PGAP4: variants seen among roughly 807,000 people sequenced by gnomAD.
PGAP4 encodes GPI-N-acetylgalactosamine transferase PGAP4.
In PGAP4, 12 loss-of-function variants were observed where a neutral mutation model predicts 28.2. That is an observed-to-expected ratio of 0.42 (90% CI 0.27 to 0.69). PGAP4 has a LOEUF of 0.69. Among genes scored for constraint, PGAP4 ranks in the 30% least tolerant of loss-of-function variants. The probability of loss-of-function intolerance (pLI) is 0.22; values close to 1 mark genes in which losing one functional copy is unlikely to be tolerated. For synonymous variants in PGAP4, 205 were observed against 211.8 expected, an observed-to-expected ratio of 0.97 and a Z score of 0.28; for missense variants, 425 against 513.5, an observed-to-expected ratio of 0.83 and a Z score of 1.67.
intron 2 of PGAP4, among the ~76,000 whole-genome samples, chr9:101,512,701 T>C (rs553634688): frequency 7.9e-5 from 12 of 152,278 alleles, no homozygotes; most frequent in African/African-American, 2.9e-4. Flanking sequence ...ACAACAACAA[T>C]AATACACATT....
intron 2 of PGAP4, among the ~76,000 whole-genome samples, chr9:101,511,549 G>C (rs1338525136): frequency 6.6e-6 from 1 of 152,166 alleles, no homozygotes; most frequent in Non-Finnish European, 1.5e-5. Flanking sequence ...AAAATGAAGA[G>C]GGTTATATGG....
chr9:101,503,583 A>AT (rs938740944), intron 2 of PGAP4, among the ~76,000 whole-genome samples: 13 of 151,966 alleles, frequency 8.6e-5, no homozygotes, highest in Admixed American at 2.6e-4. Flanking sequence ...ACAGGGAGCC[A>AT]TTTTTTTCAG....
chr9:101,495,022 A>G (rs994418924), intron 2 of PGAP4, among the ~76,000 whole-genome samples: 4 of 146,700 alleles, frequency 2.7e-5, no homozygotes, highest in African/African-American at 1.0e-4. Flanking sequence ...AATTTTTGGA[A>G]CATTTATATC....
Position 101,523,317 on chromosome 9 carries a change from C to A in PGAP4, c.-165+8031G>T, listed in dbSNP as rs561126435. On this transcript the variant is annotated intron_variant, in intron 2 of 3. Coordinates refer to the PGAP4 transcript ENST00000374851. ...ATATATTTTCCAAGCTTTTAGAATTCTCTTCTTCCTCAGAACACTGATTAT... is the reference window on the plus strand; with the variant it reads ...ATATATTTTCCAAGCTTTTAGAATTATCTTCTTCCTCAGAACACTGATTAT... Among the ~76,000 whole-genome samples, 7 of 152,216 alleles carry A rather than the reference C, an allele frequency of 4.6e-5. No individual in the cohort carries two copies. In the East Asian group the frequency reaches 1.4e-3, roughly 29 times the overall value.
intron 1 of PGAP4, among the ~76,000 whole-genome samples, chr9:101,483,042 G>A (rs1008302936): frequency 2.0e-5 from 3 of 152,216 alleles, no homozygotes; most frequent in Non-Finnish European, 2.9e-5. Flanking sequence ...CAAAGCTCAT[G>A]TTTTTCTATG....
Position 101,497,844 on chromosome 9 carries a change from A to T in PGAP4, c.-164-8644T>A, listed in dbSNP as rs568133226. Among the ~76,000 whole-genome samples the T allele has an allele frequency of 7.8e-4, 118 of 151,920 alleles. 1 individual carries two copies. Among genetic ancestry groups the T allele is most frequent in the African/African-American group, 2.7e-3 (112 of 41,530 alleles). ...CTAAGCCAGATTTTGCCATGTAGAC[A>T]CAACATACAACACAATACATGTACA... On this transcript the variant is annotated intron_variant, in intron 2 of 3. Coordinates refer to the PGAP4 transcript ENST00000374851.
At position 101,482,122 on chromosome 9, in the gene PGAP4, G is replaced by A. The variant is rs939256302; in HGVS notation, c.-78+4827C>T. ...ATAAAAAAATCATTTATCTCTCTGAGCCTATTTTATTTCTCTGTGAAACAG... is the reference window on the plus strand; with the variant it reads ...ATAAAAAAATCATTTATCTCTCTGAACCTATTTTATTTCTCTGTGAAACAG... On this transcript the variant is annotated intron_variant, in intron 1 of 1. Coordinates refer to ENST00000374848, the MANE Select transcript of PGAP4 (RefSeq NM_032342.3). 3.3e-5 allele frequency among the ~76,000 whole-genome samples: 5 copies of A among 152,164 alleles called. No homozygotes were observed. The East Asian group carries it at 5.8e-4, about 18-fold the overall frequency.
intron 2 of PGAP4, among the ~76,000 whole-genome samples, chr9:101,494,462 A>G (rs974368971): frequency 2.0e-5 from 3 of 151,940 alleles, no homozygotes; most frequent in Non-Finnish European, 4.4e-5. Context: ...ACATTTAAGT[A>G]AAGAGCCAAC....
chr9:101,498,621 A>T (rs1299396662), intron 2 of PGAP4, among the ~76,000 whole-genome samples: 3 of 151,988 alleles, frequency 2.0e-5, no homozygotes, highest in Non-Finnish European at 4.4e-5. Context: ...AGAGACATAG[A>T]ACTTAAAATA....
chr9:101,510,923 T>C (rs1334937530), intron 2 of PGAP4, among the ~76,000 whole-genome samples: 1 of 152,204 alleles, frequency 6.6e-6, no homozygotes, highest in Admixed American at 6.5e-5. Context: ...TAATTGTCAC[T>C]TGCCACTCTC....
At chr9:101,492,885 G>A (rs139425089) in intron 2 of PGAP4, among the ~76,000 whole-genome samples, 1 of 152,148 alleles carries the variant, frequency 6.6e-6, no homozygotes, top group African/African-American at 2.4e-5. Flanking sequence ...CCAGTTTTAA[G>A]CTGACCTCTG....
intron 2 of PGAP4, among the ~76,000 whole-genome samples, chr9:101,493,021 G>A (rs536257252): frequency 6.6e-6 from 1 of 151,906 alleles, no homozygotes; most frequent in Admixed American, 6.6e-5. Flanking sequence ...TTGGGAGGCC[G>A]AGGCGGGCGG....
chr9:101,493,210 T>C (rs922481684), intron 2 of PGAP4, among the ~76,000 whole-genome samples: 1 of 147,426 alleles, frequency 6.8e-6, no homozygotes, highest in Non-Finnish European at 1.5e-5. Flanking sequence ...GCCAAGATTG[T>C]GCCACCGCAC....
chr9:101,488,824 G>A (rs374172823), upstream of PGAP4, among the ~76,000 whole-genome samples: 84 of 152,276 alleles, frequency 5.5e-4, 1 homozygote, highest in South Asian at 0.016. Context: ...AGATAGTACA[G>A]CTATAGAACA....
chr9:101,529,580 G>T (rs763046597), intron 2 of PGAP4, among the ~76,000 whole-genome samples: 18 of 152,234 alleles, frequency 1.2e-4, no homozygotes, highest in South Asian at 2.1e-4. Context: ...AAAAAAGGCA[G>T]ACCTGGCTCT....
intron 2 of PGAP4, among the ~76,000 whole-genome samples, chr9:101,513,340 G>A (rs4743466): frequency 0.64 from 96,473 of 151,918 alleles, 31,228 homozygotes; most frequent in East Asian, 0.8. Flanking sequence ...TACAAAAGAG[G>A]AAAAAACAAA....
intron 2 of PGAP4, among the ~76,000 whole-genome samples, chr9:101,523,831 G>T (rs1000316540): frequency 6.6e-6 from 1 of 151,644 alleles, no homozygotes; most frequent in East Asian, 1.9e-4. Context: ...TATTACCAGG[G>T]TTGGTTTTCT....
intron 2 of PGAP4, among the ~76,000 whole-genome samples, chr9:101,505,311 C>G (rs552548092): frequency 2.4e-4 from 37 of 152,024 alleles, no homozygotes; most frequent in Non-Finnish European, 4.4e-4. Context: ...TACTTGAAAC[C>G]CAGGTTTCCT....
chr9:101,496,618 T>C (rs1438401977), intron 2 of PGAP4, among the ~76,000 whole-genome samples: 1 of 151,454 alleles, frequency 6.6e-6, no homozygotes, highest in African/African-American at 2.4e-5. Flanking sequence ...TTAAATACAT[T>C]TTTAATGAAC....
Sources: allele counts gnomAD v4.1 joint callset (sites outside exome capture counted in the v4.1 genomes callset), GRCh38; gene constraint gnomAD v4.1.1; transcripts MANE v1.5; gene names NCBI Gene and HGNC (gene_info 2026-07-23, HGNC 2026-07-21).